Variants in LRRC7 observed in about 807,000 individuals in gnomAD.
LRRC7 encodes the protein leucine rich repeat containing 7.
LRRC7 carries 23 observed loss-of-function variants against 175.7 expected under a neutral mutation model. The ratio of observed to expected loss-of-function variants is 0.13; its 90% CI spans 0.09 to 0.19. LRRC7 has a LOEUF of 0.19. Ranked by LOEUF, LRRC7 falls within the 10% of genes least tolerant of loss-of-function variation. The probability of loss-of-function intolerance (pLI) is 1.00; values close to 1 mark genes in which losing one functional copy is unlikely to be tolerated. For synonymous variants in LRRC7, 685 were observed against 680.9 expected, an observed-to-expected ratio of 1.01 and a Z score of -0.09; for missense variants, 1,354 against 1,904.7, an observed-to-expected ratio of 0.71 and a Z score of 5.38.
At chr1:69,903,453 T>C (rs898556464) in intron 7 of LRRC7, among the ~76,000 whole-genome samples, 3 of 152,156 alleles carry the variant, frequency 2.0e-5, no homozygotes. Context: ...GCCCAGATAC[T>C]ACACCTTTCC....
chr1:69,578,797 TGGGGGGA>T (rs1280162116), intron 1 of LRRC7, among the ~76,000 whole-genome samples: 1 of 54,312 alleles, frequency 1.8e-5, no homozygotes, highest in Non-Finnish European at 3.3e-5. Flanking sequence ...TGTTGTGGGG[TGGGGGGA>T]GGGGGGAGGG....
intron 4 of LRRC7, among the ~76,000 whole-genome samples, chr1:69,821,257 T>TTCTTCATTCCTTTTCATTCTG (rs1553160775): frequency 1.3e-5 from 2 of 152,164 alleles, no homozygotes; most frequent in South Asian, 2.1e-4. Flanking sequence ...CCCATAAGCT[T>TTCTTCATTCCTTTTCATTCTG]TCTTCATTCC....
intron 4 of LRRC7, among the ~76,000 whole-genome samples, chr1:69,802,152 A>T (rs1177640206): frequency 6.6e-6 from 1 of 151,410 alleles, no homozygotes; most frequent in Non-Finnish European, 1.5e-5. Flanking sequence ...GTCTATCTAT[A>T]TTGGAGAATA....
At chr1:69,908,352 G>A (rs1415056138) in intron 7 of LRRC7, among the ~76,000 whole-genome samples, 3 of 151,948 alleles carry the variant, frequency 2.0e-5, no homozygotes, top group African/African-American at 4.8e-5. Context: ...TAATTGTGAT[G>A]TTAGGGTGTC....
intron 17 of LRRC7, among the ~76,000 whole-genome samples, chr1:70,024,796 C>T (rs17131130): frequency 0.026 from 3,995 of 151,958 alleles, 186 homozygotes; most frequent in African/African-American, 0.09. Flanking sequence ...ACTGCATATA[C>T]CCAATGAAAA....
chr1:69,643,141 G>A (rs1654488803), intron 1 of LRRC7, among the ~76,000 whole-genome samples: 1 of 152,126 alleles, frequency 6.6e-6, no homozygotes, highest in Non-Finnish European at 1.5e-5. Context: ...AGCTCAGGAA[G>A]ATAGGGGAAG....
intron 2 of LRRC7, among the ~76,000 whole-genome samples, chr1:69,731,836 T>C (rs1444816479): frequency 1.3e-5 from 2 of 152,186 alleles, no homozygotes; most frequent in Non-Finnish European, 2.9e-5. Flanking sequence ...TAAGCACTTA[T>C]GAAATAGGAG....
intron 1 of LRRC7, among the ~76,000 whole-genome samples, chr1:69,591,067 T>C: frequency 6.6e-6 from 1 of 151,978 alleles, no homozygotes; most frequent in East Asian, 1.9e-4. Flanking sequence ...AAGATGATGA[T>C]GAATTGAAAT....
At position 70,036,564 on chromosome 1, in the gene LRRC7, A is replaced by C; in HGVS notation, c.2228A>C (p.Lys743Thr). 4 of 1,614,070 alleles carry C rather than the reference A, an allele frequency of 2.5e-6. No individual in the cohort carries two copies. Among genetic ancestry groups the C allele is most frequent in the Non-Finnish European group, 2.5e-6 (3 of 1,179,936 alleles). Residue 743 changes from lysine (K) to threonine (T), a missense_variant, in exon 20 of 27, where the codon AAA becomes ACA. Physicochemically the swap from Lys to Thr is moderately conservative, Grantham distance 78. Around this residue, in one of 4 missense-constraint regions of LRRC7, gnomAD observed 1,032 missense variants for 1,227.2 expected, o/e 0.84. Coordinates refer to ENST00000651989, the MANE Select transcript of LRRC7 (RefSeq NM_001370785.2). ...TCAGGATCCTCTAATACCCGGGTTA[A>C]AGTGGGGTCCTTGCAGACAACAGCT... ...ASSGSSNTRV[K>T]VGSLQTTAKD... is the part of the protein sequence containing the mutation.
intron 25 of LRRC7, among the ~76,000 whole-genome samples, chr1:70,105,832 T>C (rs1201268634): frequency 6.6e-6 from 1 of 152,150 alleles, no homozygotes; most frequent in Non-Finnish European, 1.5e-5. Context: ...TCTAGAAATT[T>C]TGATGCCTAT....
At position 69,637,576 on chromosome 1, in the gene LRRC7, T is replaced by G. The variant is rs569450993; in HGVS notation, c.3-40805T>G. ...AATTTTGGAAAATTGACTGGATTTT[T>G]GGGGAATTAAATGAGGTAATTTATT... On this transcript the variant is annotated intron_variant, in intron 1 of 26. Coordinates refer to ENST00000651989, the MANE Select transcript of LRRC7 (RefSeq NM_001370785.2). Among the ~76,000 whole-genome samples the G allele has an allele frequency of 1.2e-4, 19 of 152,046 alleles. No homozygotes were observed. The East Asian group carries it at 3.7e-3, about 29-fold the overall frequency.
At position 69,801,400 on chromosome 1, in the gene LRRC7, A is replaced by G. The variant is rs1190081967; in HGVS notation, c.421+9240A>G. ...TACTGATTCTATCTCACCACTCATC[A>G]TTGATCTGTTCAGGATTTCTATGTA... On this transcript the variant is annotated intron_variant, in intron 4 of 26. Transcript: ENST00000651989. 1.3e-5 allele frequency among the ~76,000 whole-genome samples: 2 copies of G among 151,644 alleles called. 1 individual carries two copies. Among genetic ancestry groups the G allele is most frequent in the Non-Finnish European group, 3.0e-5 (2 of 67,694 alleles).
intron 1 of LRRC7, among the ~76,000 whole-genome samples, chr1:69,652,043 T>C (rs1306528604): frequency 2.0e-5 from 3 of 152,180 alleles, no homozygotes; most frequent in African/African-American, 4.8e-5. Flanking sequence ...GCTCCTGGAA[T>C]GGCTACCCAA....
chr1:69,684,113 AT>A (rs1437177061), intron 2 of LRRC7, among the ~76,000 whole-genome samples: 5 of 152,164 alleles, frequency 3.3e-5, no homozygotes, highest in African/African-American at 1.2e-4. Context: ...GATGTACTGT[AT>A]AAAAATCAGT....
intron 3 of LRRC7, among the ~76,000 whole-genome samples, chr1:69,766,416 T>G (rs1222920049): frequency 6.6e-6 from 1 of 152,178 alleles, no homozygotes. Context: ...TCTTGCTCAT[T>G]TCACTTATAG....
In LRRC7 at chr1:70,132,303, T is replaced by C. The variant is rs1666697190; in HGVS notation, c.*10416T>C. On this transcript the variant is annotated 3_prime_UTR_variant, in exon 27 of 27. Transcript: ENST00000651989. ...TGAAAAATAAGGTGCATATTAGAAATATATTTAGTTTAATTGCTATTCATT... is the reference window on the plus strand; with the variant it reads ...TGAAAAATAAGGTGCATATTAGAAACATATTTAGTTTAATTGCTATTCATT... 1.3e-5 allele frequency: 2 copies of C among 152,140 alleles called. No homozygotes were observed. The highest frequency in any genetic ancestry group is 4.8e-5 in the African/African-American group (2 of 41,418). The allele number at this position is 152,140 out of a possible 1,614,324, so 9.4% of individuals were successfully genotyped here. A position where few individuals can be genotyped will look rare whatever the true frequency, so the allele number is the denominator to read the frequency against.
intron 3 of LRRC7, among the ~76,000 whole-genome samples, chr1:69,768,407 C>A (rs1295651899): frequency 3.3e-5 from 5 of 152,154 alleles, no homozygotes; most frequent in African/African-American, 4.8e-5. Context: ...ACTGGAGAAG[C>A]TTTTCCCCAT....
At chr1:70,075,090 C>T (rs1019439111) in intron 23 of LRRC7, among the ~76,000 whole-genome samples, 1 of 152,132 alleles carries the variant, frequency 6.6e-6, no homozygotes, top group Admixed American at 6.5e-5. Flanking sequence ...TAAATCCCCA[C>T]GTCTTTCAAT....
At chr1:69,725,967 C>T (rs1666934078) in intron 2 of LRRC7, among the ~76,000 whole-genome samples, 1 of 152,210 alleles carries the variant, frequency 6.6e-6, no homozygotes, top group Non-Finnish European at 1.5e-5. Context: ...GCCTAGACAG[C>T]ACTCTCTAGC....
Sources: allele counts gnomAD v4.1 joint callset (sites outside exome capture counted in the v4.1 genomes callset), GRCh38; gene constraint gnomAD v4.1.1; regional missense constraint gnomAD v4.1.1; transcripts MANE v1.5; gene names NCBI Gene and HGNC (gene_info 2026-07-23, HGNC 2026-07-21).